ZNF157: variants seen among roughly 807,000 people sequenced by gnomAD.
ZNF157 encodes the protein zinc finger protein 157, also known as zinc finger protein 22.
A neutral mutation model predicts 9.4 loss-of-function variants in ZNF157; 8 were observed. The observed-to-expected ratio is 0.85, with a 90% CI of 0.50 to 1.53. ZNF157 has a LOEUF of 1.53. Ranked by LOEUF, ZNF157 falls within the 40% of genes most tolerant of loss-of-function variation. The pLI, the probability that ZNF157 is intolerant of heterozygous loss-of-function variation, is 0.00. For missense variants in ZNF157, 316 were observed against 385.2 expected (o/e 0.82, Z 1.50); for synonymous variants, 120 against 130.8 (o/e 0.92, Z 0.56).
At chrX:47,385,168 C>T (rs1392718589) in intron 1 of ZNF157, among the ~76,000 whole-genome samples, 2 of 112,089 alleles carry the variant, frequency 1.8e-5, no homozygotes, top group African/African-American at 3.2e-5. Context: ...TTAGCATTTA[C>T]GTGTCATCAC....
chrX:47,399,119 T>A (rs138056899), intron 1 of ZNF157, among the ~76,000 whole-genome samples: 34 of 112,234 alleles, frequency 3.0e-4, no homozygotes, highest in African/African-American at 1.0e-3. Context: ...TCTATTTCTC[T>A]CTATTTGTCA....
intron 3 of ZNF157, among the ~76,000 whole-genome samples, chrX:47,411,619 T>C (rs1209556362): frequency 9.1e-6 from 1 of 110,374 alleles, no homozygotes; most frequent in Non-Finnish European, 1.9e-5. Context: ...CCACCTGCCA[T>C]GGCCTCCCGA....
chrX:47,379,436 AG>A (rs2055854711), intron 1 of ZNF157, among the ~76,000 whole-genome samples: 2 of 102,209 alleles, frequency 2.0e-5, no homozygotes, highest in Admixed American at 2.1e-4. Flanking sequence ...TTTTTGAGAC[AG>A]GGTCTGCACT....
chrX:47,373,864 A>ATTT (rs147425636), intron 1 of ZNF157, among the ~76,000 whole-genome samples: 7 of 99,059 alleles, frequency 7.1e-5, no homozygotes, highest in African/African-American at 2.6e-4. Flanking sequence ...ATTAAAAAAA[A>ATTT]TTTTTTTTTT....
chrX:47,412,393 A>G lies in ZNF157; in HGVS notation c.320A>G (p.Asn107Ser). 8.3e-7 allele frequency: 1 copy of G among 1,201,225 alleles called. No individual in the cohort carries two copies. The highest frequency in any genetic ancestry group is 1.1e-6 in the Non-Finnish European group (1 of 888,223). ...GGATCTCTCTCACTGCTGTGTGGCAATGGTTCTGTTGGGGATAATGCCCTC... is the reference window on the plus strand; with the variant it reads ...GGATCTCTCTCACTGCTGTGTGGCAGTGGTTCTGTTGGGGATAATGCCCTC... The part of the protein sequence containing the change: ...YSGSLSLLCG[N>S]GSVGDNALRH... Residue 107 changes from asparagine to serine, a missense_variant, in exon 4 of 4, where the codon AAT becomes AGT. Asn to Ser is a conservative substitution (Grantham distance 46). Around this residue, in one of 3 missense-constraint regions of ZNF157, gnomAD observed 146 missense variants for 183.8 expected, o/e 0.79. Coordinates refer to ENST00000377073, the MANE Select transcript of ZNF157 (RefSeq NM_003446.4).
intron 1 of ZNF157, among the ~76,000 whole-genome samples, chrX:47,372,195 G>T (rs1348685719): frequency 9.0e-6 from 1 of 110,700 alleles, no homozygotes; most frequent in Non-Finnish European, 1.9e-5. Flanking sequence ...TTCCGAATGG[G>T]GCTGGTCACC....
chrX:47,399,998 T>C (rs1346520310), intron 1 of ZNF157, among the ~76,000 whole-genome samples: 7 of 95,936 alleles, frequency 7.3e-5, no homozygotes, highest in East Asian at 7.2e-4. Flanking sequence ...TCTCTCTCTT[T>C]TTTTTTTTTT....
In ZNF157 at chrX:47,413,048, A is replaced by G. The variant is rs2055971002; in HGVS notation, c.975A>G (p.Thr325=). The G allele has an allele frequency of 2.5e-6, 3 of 1,211,242 alleles. No homozygotes were observed. The highest frequency in any genetic ancestry group is 3.4e-6 in the Non-Finnish European group (3 of 895,083). The change falls in exon 4 of 4, where the codon ACA becomes ACG. Residue 325 remains threonine (T), a synonymous_variant. Transcript: ENST00000377073. ...KSLNQHQRIH[T]GEKPYECGEC... is the part of the protein sequence containing the mutation. ...TAAATCAGCATCAAAGAATTCACACAGGTGAGAAACCCTATGAGTGTGGTG... is the reference window on the plus strand; with the variant it reads ...TAAATCAGCATCAAAGAATTCACACGGGTGAGAAACCCTATGAGTGTGGTG...
intron 1 of ZNF157, among the ~76,000 whole-genome samples, chrX:47,371,939 A>C (rs938890452): frequency 3.6e-5 from 4 of 111,931 alleles, no homozygotes; most frequent in Admixed American, 9.6e-5. Flanking sequence ...TTTCCATCGC[A>C]TGGATGTACC....
At chrX:47,384,334 T>C (rs1320208779) in intron 1 of ZNF157, among the ~76,000 whole-genome samples, 1 of 111,945 alleles carries the variant, frequency 8.9e-6, no homozygotes, top group Non-Finnish European at 1.9e-5. Context: ...AGGGAACACT[T>C]CCCTTAACTA....
chrX:47,406,086 A>ATAT (rs910093350), intron 1 of ZNF157, among the ~76,000 whole-genome samples: 6 of 108,483 alleles, frequency 5.5e-5, no homozygotes, highest in East Asian at 5.7e-4. Context: ...TTTATTAAAA[A>ATAT]TATTATTATT....
Position 47,412,560 on chromosome X carries a change from G to C in ZNF157, c.487G>C (p.Glu163Gln). 1.7e-6 allele frequency: 2 copies of C among 1,211,937 alleles called. No individual in the cohort carries two copies. Among genetic ancestry groups the C allele is most frequent in the Non-Finnish European group, 2.2e-6 (2 of 895,578 alleles). The change falls in exon 4 of 4, where the codon GAA (glutamate) becomes CAA (glutamine). Residue 163 changes from glutamate (E) to glutamine (Q), a missense_variant. Around this residue, in one of 3 missense-constraint regions of ZNF157, gnomAD observed 146 missense variants for 183.8 expected, o/e 0.79. Coordinates refer to ENST00000377073, the MANE Select transcript of ZNF157 (RefSeq NM_003446.4). Reference protein sequence around the residue: ...KRTPRGDKNFECHECGKAYCR... With the variant: ...KRTPRGDKNFQCHECGKAYCR... Reference sequence around the variant, plus strand: ...AACACCCAGAGGAGATAAAAACTTTGAATGTCATGAATGTGGGAAAGCTTA... The same window carrying C: ...AACACCCAGAGGAGATAAAAACTTTCAATGTCATGAATGTGGGAAAGCTTA...
chrX:47,412,655 A>C lies in ZNF157; in HGVS notation c.582A>C (p.Glu194Asp). The C allele has an allele frequency of 8.3e-7, 1 of 1,211,698 alleles. No homozygotes were observed. The highest frequency in any genetic ancestry group is 1.1e-6 in the Non-Finnish European group (1 of 895,451). Residue 194 changes from glutamate to aspartate, a missense_variant, in exon 4 of 4, where the codon GAA becomes GAC. By Grantham distance (45) the Glu-to-Asp change is conservative (BLOSUM62 2). Around this residue, in one of 3 missense-constraint regions of ZNF157, gnomAD observed 146 missense variants for 183.8 expected, o/e 0.79. Coordinates refer to ENST00000377073, the MANE Select transcript of ZNF157 (RefSeq NM_003446.4). ...GAGAGAGACCCTATGAATGCGGTGA[A>C]TGTGCAAAAACCTTCAGTGCAAGAT... ...HTGERPYECGECAKTFSARSY... is the reference protein window; with the variant it reads ...HTGERPYECGDCAKTFSARSY...
chrX:47,377,172 A>G (rs1227026440), intron 1 of ZNF157, among the ~76,000 whole-genome samples: 1 of 108,259 alleles, frequency 9.2e-6, no homozygotes, highest in Non-Finnish European at 1.9e-5. Context: ...TTCCCTACGG[A>G]TTCATCTTTG....
Position 47,413,515 on chromosome X carries a change from G to A in ZNF157, c.1442G>A (p.Arg481Gln), listed in dbSNP as rs144915700. 53 of 1,210,074 alleles carry A rather than the reference G, an allele frequency of 4.4e-5. No individual in the cohort carries two copies. The highest frequency in any genetic ancestry group is 4.4e-4 in the African/African-American group (25 of 57,265). The stretch of plus-strand genomic sequence containing the variant: ...CAAGAATGTGGGAAAGCTTTCTGCC[G>A]GAAAGCACACCTCACAGAACATCAG... The part of the protein sequence containing the change: ...ECQECGKAFC[R>Q]KAHLTEHQRT... Residue 481 changes from arginine to glutamine, a missense_variant, in exon 4 of 4, where the codon CGG becomes CAG. By Grantham distance (43) the Arg-to-Gln change is conservative. Coordinates refer to ENST00000377073, the MANE Select transcript of ZNF157 (RefSeq NM_003446.4).
At chrX:47,385,202 G>T (rs1197276861) in intron 1 of ZNF157, among the ~76,000 whole-genome samples, 1 of 112,050 alleles carries the variant, frequency 8.9e-6, no homozygotes, top group Non-Finnish European at 1.9e-5. Flanking sequence ...AGTTGAGAAG[G>T]TTCCTTCTTT....
chrX:47,381,418 A>G (rs2055863366), intron 1 of ZNF157, among the ~76,000 whole-genome samples: 1 of 111,701 alleles, frequency 9.0e-6, no homozygotes, highest in African/African-American at 3.3e-5. Context: ...GTTTACTTAT[A>G]TATTCTGATA....
intron 1 of ZNF157, among the ~76,000 whole-genome samples, chrX:47,385,083 G>A (rs1057170010): frequency 6.3e-5 from 7 of 111,519 alleles, no homozygotes; most frequent in South Asian, 3.7e-4. Flanking sequence ...GCAGTTCCAA[G>A]GCGAATGGAC....
Position 47,413,050 on chromosome X carries a change from G to T in ZNF157, c.977G>T (p.Gly326Val). 2 of 1,211,030 alleles carry T rather than the reference G, an allele frequency of 1.7e-6. No homozygotes were observed. The highest frequency in any genetic ancestry group is 2.2e-6 in the Non-Finnish European group (2 of 895,039). Reference sequence around the variant, plus strand: ...AATCAGCATCAAAGAATTCACACAGGTGAGAAACCCTATGAGTGTGGTGAA... The same window carrying T: ...AATCAGCATCAAAGAATTCACACAGTTGAGAAACCCTATGAGTGTGGTGAA... ...SLNQHQRIHT[G>V]EKPYECGECG... Residue 326 changes from glycine (G) to valine (V), a missense_variant, in exon 4 of 4, where the codon GGT (glycine) becomes GTT (valine). Transcript: ENST00000377073.
Sources: gnomAD v4.1 joint callset for allele counts (sites outside exome capture counted in the v4.1 genomes callset) on GRCh38, gnomAD v4.1.1 for gene constraint, gnomAD v4.1.1 regional missense constraint, MANE v1.5 for transcripts, NCBI Gene and HGNC (gene_info 2026-07-23, HGNC 2026-07-21) for gene names.